Variants in NEGR1 observed in about 807,000 individuals in gnomAD.
The protein encoded by NEGR1 is neuronal growth regulator 1.
A neutral mutation model predicts 40.9 loss-of-function variants in NEGR1; 10 were observed. The ratio of observed to expected loss-of-function variants is 0.24; its 90% CI spans 0.15 to 0.42. The LOEUF (loss-of-function observed/expected upper bound fraction) is 0.42. NEGR1 is among the 10% of genes least tolerant of loss of function. NEGR1 has a pLI of 1.00. For synonymous variants in NEGR1, 185 were observed against 166.8 expected, an observed-to-expected ratio of 1.11 and a Z score of -0.84; for missense variants, 352 against 438.9, an observed-to-expected ratio of 0.80 and a Z score of 1.77.
chr1:72,255,698 G>T (rs1027514426), intron 1 of NEGR1, among the ~76,000 whole-genome samples: 2 of 151,870 alleles, frequency 1.3e-5, no homozygotes, highest in African/African-American at 4.8e-5. Flanking sequence ...CTACAGGCAT[G>T]CACCACCACA....
chr1:72,117,802 G>T (rs552100344), intron 1 of NEGR1, among the ~76,000 whole-genome samples: 109 of 151,946 alleles, frequency 7.2e-4, no homozygotes, highest in Middle Eastern at 3.4e-3. Flanking sequence ...TGTAAGCAGA[G>T]GGATGTTCAC....
At chr1:71,745,391 T>G (rs1655350126) in intron 3 of NEGR1, among the ~76,000 whole-genome samples, 1 of 152,122 alleles carries the variant, frequency 6.6e-6, no homozygotes, top group Non-Finnish European at 1.5e-5. Context: ...TATAGTTTGT[T>G]CTAAACATAA....
intron 6 of NEGR1, among the ~76,000 whole-genome samples, chr1:71,443,013 G>T (rs772470504): frequency 2.6e-5 from 4 of 152,170 alleles, no homozygotes; most frequent in Non-Finnish European, 5.9e-5. Flanking sequence ...AGTGGAGAAT[G>T]GGCAGAACTG....
chr1:71,828,541 C>A (rs1658725051), intron 2 of NEGR1, among the ~76,000 whole-genome samples: 1 of 151,802 alleles, frequency 6.6e-6, no homozygotes, highest in African/African-American at 2.4e-5. Flanking sequence ...TTGTCTCGCT[C>A]TCTTTTTCTT....
rs113188250 is a variant in NEGR1 at position 72,222,786 on chromosome 1, A to C, written c.176+59533T>G. 3.9e-4 allele frequency among the ~76,000 whole-genome samples: 60 copies of C among 152,138 alleles called. 1 individual carries two copies. The highest frequency in any genetic ancestry group is 1.2e-4 in the Non-Finnish European group (8 of 68,038). On this transcript the variant is annotated intron_variant, in intron 1 of 6. Coordinates refer to ENST00000357731, the MANE Select transcript of NEGR1 (RefSeq NM_173808.3). Reference sequence around the variant, plus strand: ...TGCATGCTCTTGAAAATCTTCCTAGAATTCAGCTTCCATGCTCTAAGAAAC... The same window carrying C: ...TGCATGCTCTTGAAAATCTTCCTAGCATTCAGCTTCCATGCTCTAAGAAAC...
Position 71,515,692 on chromosome 1 carries a change from T to C in NEGR1, c.940+77125A>G, listed in dbSNP as rs1048750971. The stretch of plus-strand genomic sequence containing the variant: ...TAATGAGCAAAATAACCAGCTAACA[T>C]CATAATGACAGGATCAAATTCACAC... On this transcript the variant is annotated intron_variant, in intron 6 of 6. Transcript: ENST00000357731. Among the ~76,000 whole-genome samples the C allele has an allele frequency of 4.3e-3, 564 of 132,244 alleles. 69 individuals carry two copies. Among genetic ancestry groups the C allele is most frequent in the African/African-American group, 0.018 (544 of 30,680 alleles). The allele number at this position is 132,244 out of a possible 152,430, so 86.8% of individuals were successfully genotyped here. A position where few individuals can be genotyped will look rare whatever the true frequency, so the allele number is the denominator to read the frequency against.
intron 3 of NEGR1, among the ~76,000 whole-genome samples, chr1:71,753,619 G>T (rs1319308230): frequency 6.6e-6 from 1 of 152,068 alleles, no homozygotes; most frequent in African/African-American, 2.4e-5. Flanking sequence ...CCTGGGGATT[G>T]TTAACAAGAT....
At chr1:71,897,466 T>G (rs975739438) in intron 2 of NEGR1, among the ~76,000 whole-genome samples, 1 of 152,222 alleles carries the variant, frequency 6.6e-6, no homozygotes, top group Non-Finnish European at 1.5e-5. Flanking sequence ...GAAATACTAG[T>G]CTGATATATC....
In NEGR1 at chr1:72,273,700, C is replaced by G. The variant is rs908610432; in HGVS notation, c.176+8619G>C. On this transcript the variant is annotated intron_variant, in intron 1 of 6. Coordinates refer to ENST00000357731, the MANE Select transcript of NEGR1 (RefSeq NM_173808.3). Reference sequence around the variant, plus strand: ...ACATTTTATTTAATAATACCTTTAGCAAAAAGTACATTTTCTTCAAAGTAG... The same window carrying G: ...ACATTTTATTTAATAATACCTTTAGGAAAAAGTACATTTTCTTCAAAGTAG... 7.2e-5 allele frequency among the ~76,000 whole-genome samples: 11 copies of G among 151,732 alleles called. No homozygotes were observed. In the East Asian group the frequency reaches 9.7e-4, roughly 13 times the overall value.
chr1:72,201,616 G>A (rs1357482666), intron 1 of NEGR1, among the ~76,000 whole-genome samples: 5 of 151,632 alleles, frequency 3.3e-5, no homozygotes, highest in African/African-American at 9.7e-5. Context: ...AACCACAAAG[G>A]TTAAAATCAC....
chr1:71,445,198 G>T (rs1402167695), intron 6 of NEGR1, among the ~76,000 whole-genome samples: 1 of 152,060 alleles, frequency 6.6e-6, no homozygotes, highest in Non-Finnish European at 1.5e-5. Flanking sequence ...TCTAGTTGGG[G>T]TTAAGACTTA....
At chr1:72,062,878 T>G (rs1376160565) in intron 1 of NEGR1, among the ~76,000 whole-genome samples, 1 of 151,910 alleles carries the variant, frequency 6.6e-6, no homozygotes, top group Non-Finnish European at 1.5e-5. Context: ...AAGAAATGGA[T>G]AGCCACTTTC....
chr1:71,497,065 C>T (rs932386057), intron 6 of NEGR1, among the ~76,000 whole-genome samples: 4 of 152,150 alleles, frequency 2.6e-5, no homozygotes, highest in African/African-American at 9.7e-5. Flanking sequence ...AACTCTATCC[C>T]TCTTCAGTAT....
intron 1 of NEGR1, among the ~76,000 whole-genome samples, chr1:72,276,751 A>G (rs935966796): frequency 2.6e-5 from 4 of 152,298 alleles, no homozygotes; most frequent in Non-Finnish European, 5.9e-5. Context: ...TCAATCAAAT[A>G]TAATTAAATC....
intron 5 of NEGR1, among the ~76,000 whole-genome samples, chr1:71,601,909 C>T (rs980110722): frequency 6.6e-6 from 1 of 151,980 alleles, no homozygotes; most frequent in African/African-American, 2.4e-5. Context: ...CACCATTATG[C>T]AATATACCCA....
intron 1 of NEGR1, among the ~76,000 whole-genome samples, chr1:71,958,035 C>T (rs974168949): frequency 1.3e-5 from 2 of 152,154 alleles, no homozygotes; most frequent in Admixed American, 1.3e-4. Context: ...TTATAAATTA[C>T]CTCTTTGAAG....
At chr1:72,054,176 T>C (rs1647088588) in intron 1 of NEGR1, among the ~76,000 whole-genome samples, 1 of 151,440 alleles carries the variant, frequency 6.6e-6, no homozygotes, top group East Asian at 1.9e-4. Flanking sequence ...TTTTCCACCC[T>C]AGTGAAAAGT....
intron 6 of NEGR1, among the ~76,000 whole-genome samples, chr1:71,482,552 AT>A (rs1370343575): frequency 2.0e-5 from 3 of 151,822 alleles, no homozygotes; most frequent in Non-Finnish European, 4.4e-5. Context: ...GCTCTTTTCC[AT>A]TTTTAATTCT....
At chr1:72,152,094 G>A (rs1386283477) in intron 1 of NEGR1, among the ~76,000 whole-genome samples, 1 of 151,610 alleles carries the variant, frequency 6.6e-6, no homozygotes, top group African/African-American at 2.4e-5. Flanking sequence ...CTTATATGAA[G>A]CAATTTTAAA....
Sources: gnomAD v4.1 joint callset for allele counts (sites outside exome capture counted in the v4.1 genomes callset) on GRCh38, gnomAD v4.1.1 for gene constraint, MANE v1.5 for transcripts, NCBI Gene and HGNC (gene_info 2026-07-23, HGNC 2026-07-21) for gene names.